The following SCRN2 variants were observed in gnomAD, a reference collection of about 807,000 sequenced individuals.
SCRN2 encodes secernin-2.
Under a neutral mutation model 40.1 loss-of-function variants are expected in SCRN2, and 30 were observed. That is an observed-to-expected ratio of 0.75 (90% CI 0.56 to 1.01). The LOEUF (loss-of-function observed/expected upper bound fraction) is 1.01. Among genes scored for constraint, SCRN2 ranks in the 50% least tolerant of loss-of-function variants. The pLI is 0.00. For synonymous variants in SCRN2, 240 were observed against 233.5 expected (o/e 1.03, Z -0.25); for missense variants, 526 against 564.9 (o/e 0.93, Z 0.70).
Position 47,837,936 on chromosome 17 carries a change from CCT to C in SCRN2, c.1184_1185del (p.Gln395ArgfsTer76), listed in dbSNP as rs779317606. On this transcript the variant is annotated frameshift_variant, in exon 8 of 8. Coordinates refer to ENST00000290216, the MANE Select transcript of SCRN2 (RefSeq NM_138355.4). LOFTEE classifies it high-confidence loss of function. ...GGGGCCCACTCGCCGGCCAGCAGCC[CCT>C]GTGTGGCCTCGAGGCCTTCCTGCTC... ...DLEQEGLEAT[Q>X]GLLAGEWAPP... is the part of the protein sequence containing the mutation. The C allele has an allele frequency of 5.0e-6, 8 of 1,606,080 alleles. No individual in the cohort carries two copies. Among genetic ancestry groups the C allele is most frequent in the African/African-American group, 2.7e-5 (2 of 74,736 alleles).
At chr17:47,839,748 C>T (rs114355862) in intron 3 of SCRN2, 105 bp from the exon 4 acceptor site, 17,873 of 1,181,550 alleles carry the variant, frequency 0.015, 172 homozygotes, top group African/African-American at 0.02. Context: ...TGGTGATAGG[C>T]CCAAGTCACA....
At chr17:47,838,236 C>A in intron 7 of SCRN2, 34 bp downstream of exon 7, 2 of 1,574,236 alleles carry the variant, frequency 1.3e-6, no homozygotes, top group Non-Finnish European at 1.7e-6. Flanking sequence ...GGTCTATCAT[C>A]CCCTCAAGGT....
intron 7 of SCRN2, 131 bp from the exon 8 acceptor site, chr17:47,838,133 G>A: frequency 1.3e-6 from 2 of 1,520,296 alleles, no homozygotes; most frequent in Non-Finnish European, 8.8e-7. Flanking sequence ...GGCAGTTGCT[G>A]GCTTTGAAGG....
chr17:47,837,854 GCCTGGCT>G lies in SCRN2; in HGVS notation c.1261_1267del (p.Ser421LeufsTer27), dbSNP rs749843807. 4.4e-6 allele frequency: 7 copies of G among 1,599,860 alleles called. No homozygotes were observed. The Admixed American group carries it at 5.0e-5, about 11-fold the overall frequency. ...CAGAAGCTATGAAGCTTACGCATAAGCCTGGCTCTCCCTCTTCACGAAGGCCTGGAAG... is the reference window on the plus strand; with the variant it reads ...CAGAAGCTATGAAGCTTACGCATAAGCTCCCTCTTCACGAAGGCCTGGAAG... On this transcript the variant is annotated frameshift_variant, in exon 8 of 8. Transcript: ENST00000290216. LOFTEE classifies it high-confidence loss of function.
chr17:47,839,084 A>G (rs2033766876), intron 4 of SCRN2, 78 bp from the exon 5 acceptor site: 1 of 1,497,486 alleles, frequency 6.7e-7, no homozygotes, highest in African/African-American at 1.4e-5. Context: ...GGTGCTGAGA[A>G]CATGGTGGAG....
At chr17:47,839,754 TCA>T in intron 3 of SCRN2, 111 bp from the exon 4 acceptor site, 1 of 1,097,578 alleles carries the variant, frequency 9.1e-7, no homozygotes, top group South Asian at 1.4e-5. Context: ...TAGGCCCAAG[TCA>T]CACAGCAAAT....
intron 3 of SCRN2, chr17:47,839,890 T>C: frequency 3.3e-6 from 2 of 598,810 alleles, no homozygotes; most frequent in South Asian, 2.0e-5. Context: ...AGAAGTGTCC[T>C]GAGCCCCTAA....
In SCRN2 at chr17:47,838,989, A is replaced by C. The variant is rs1456404635; in HGVS notation, c.574T>G (p.Ser192Ala). 1 of 1,613,918 alleles carries C rather than the reference A, an allele frequency of 6.2e-7. No individual in the cohort carries two copies. Among genetic ancestry groups the C allele is most frequent in the Non-Finnish European group, 8.5e-7 (1 of 1,180,028 alleles). ...QRIQEGARNI[S>A]NQLSIGTDIS... ...TCCGTGCCAATGCTCAGCTGGTTGG[A>C]GATGTTGCGGGCCCCCTCTGTGGAG... is the stretch of plus-strand genomic sequence containing the variant. The change falls in exon 5 of 8, where the codon TCC (serine) becomes GCC (alanine). Residue 192 changes from serine to alanine, a missense_variant. Transcript: ENST00000290216.
chr17:47,839,290 G>A (rs1044522893), intron 4 of SCRN2, among the ~76,000 whole-genome samples, 154 bp downstream of exon 4: 2 of 152,226 alleles, frequency 1.3e-5, no homozygotes, highest in African/African-American at 2.4e-5. Context: ...TGTAGCACAC[G>A]GAAGACTTAA....
intron 3 of SCRN2, chr17:47,839,848 C>T (rs1389243507): frequency 1.6e-6 from 1 of 616,282 alleles, no homozygotes; most frequent in Non-Finnish European, 2.8e-6. Flanking sequence ...TTGAGGGTTC[C>T]ATGAAAAGGC....
At position 47,840,337 on chromosome 17, in the gene SCRN2, C is replaced by G. The variant is rs11652952; in HGVS notation, c.210G>C (p.Thr70=). 6.2e-7 allele frequency: 1 copy of G among 1,614,012 alleles called. No individual in the cohort carries two copies. Among genetic ancestry groups the G allele is most frequent in the African/African-American group, 1.3e-5 (1 of 74,936 alleles). ...TYIEVEQVSK[T]HAVILSRPSW... ...AAGGACGGCTCAGAATCACAGCGTG[C>G]GTCTTCGACACCTGTTCCACTTCAA... The change falls in exon 3 of 8, where the codon ACG becomes ACC. Residue 70 remains threonine (T), a synonymous_variant. Transcript: ENST00000290216.
rs1006836468 is a variant in SCRN2 at position 47,839,360 on chromosome 17, G to A, written c.556+84C>T. The A allele has an allele frequency of 1.3e-5, 18 of 1,422,644 alleles. No homozygotes were observed. In the Admixed American group the frequency reaches 1.8e-4, roughly 14 times the overall value. The allele number at this position is 1,422,644 out of a possible 1,614,324, so 88.1% of individuals were successfully genotyped here. A position where few individuals can be genotyped will look rare whatever the true frequency, so the allele number is the denominator to read the frequency against. On this transcript the variant is annotated intron_variant, in intron 4 of 7. Transcript: ENST00000290216. Reference sequence around the variant, plus strand: ...CATCTCCCATCTCCCTGGATGTCCTGACAGGCTTGCACCTGGATCGGGCCC... The same window carrying A: ...CATCTCCCATCTCCCTGGATGTCCTAACAGGCTTGCACCTGGATCGGGCCC...
chr17:47,837,935 C>A lies in SCRN2; in HGVS notation c.1187G>T (p.Gly396Val), dbSNP rs779807693. Residue 396 changes from glycine (G) to valine (V), a missense_variant, in exon 8 of 8, where the codon GGG becomes GTG. Coordinates refer to ENST00000290216, the MANE Select transcript of SCRN2 (RefSeq NM_138355.4). ...TGGGGCCCACTCGCCGGCCAGCAGC[C>A]CCTGTGTGGCCTCGAGGCCTTCCTG... ...LEQEGLEATQ[G>V]LLAGEWAPPL... 6.2e-7 allele frequency: 1 copy of A among 1,606,162 alleles called. No individual in the cohort carries two copies. The highest frequency in any genetic ancestry group is 8.5e-7 in the Non-Finnish European group (1 of 1,179,316).
At position 47,840,318 on chromosome 17, in the gene SCRN2, G is replaced by A. The variant is rs144648187; in HGVS notation, c.229C>T (p.Arg77Cys). 1.5e-4 allele frequency: 245 copies of A among 1,614,198 alleles called. No individual in the cohort carries two copies. Among genetic ancestry groups the A allele is most frequent in the Non-Finnish European group, 2.0e-4 (239 of 1,180,042 alleles). Residue 77 changes from arginine (R) to cysteine (C), a missense_variant, in exon 3 of 8, where the codon CGT becomes TGT. Coordinates refer to ENST00000290216, the MANE Select transcript of SCRN2 (RefSeq NM_138355.4). ...TCAGCCCCCCATAGCCAAGAAGGACGGCTCAGAATCACAGCGTGCGTCTTC... is the reference window on the plus strand; with the variant it reads ...TCAGCCCCCCATAGCCAAGAAGGACAGCTCAGAATCACAGCGTGCGTCTTC... Reference protein sequence around the residue: ...VSKTHAVILSRPSWLWGAEMG... With the variant: ...VSKTHAVILSCPSWLWGAEMG...
intron 3 of SCRN2, 34 bp downstream of exon 3, chr17:47,840,157 G>A: frequency 1.9e-6 from 3 of 1,590,664 alleles, no homozygotes; most frequent in East Asian, 2.2e-5. Flanking sequence ...GATTTCTGGT[G>A]TGTCAGGCAG....
At chr17:47,838,170 ATC>A in intron 7 of SCRN2, 98 bp downstream of exon 7, 3 of 1,536,632 alleles carry the variant, frequency 2.0e-6, no homozygotes, top group Non-Finnish European at 2.6e-6. Context: ...CAGCTCTGAA[ATC>A]TCTTCCACTC....
intron 1 of SCRN2, 49 bp downstream of exon 1, chr17:47,841,159 C>T: frequency 3.7e-6 from 1 of 267,676 alleles, no homozygotes; most frequent in Non-Finnish European, 7.1e-6. Flanking sequence ...GATACCCGAC[C>T]CTCTTCTGTC....
chr17:47,838,846 C>A lies in SCRN2; in HGVS notation c.717G>T (p.Met239Ile). Reference sequence around the variant, plus strand: ...CCTGGAAGCGGGCCTTGGCAGCCTCCATGCGCACAGGCTGCTGGGTCAGGG... The same window carrying A: ...CCTGGAAGCGGGCCTTGGCAGCCTCAATGCGCACAGGCTGCTGGGTCAGGG... ...IFSLTQQPVR[M>I]EAAKARFQAG... Residue 239 changes from methionine to isoleucine, a missense_variant, in exon 5 of 8, where the codon ATG (methionine) becomes ATT (isoleucine). Met to Ile is a conservative substitution (Grantham distance 10, BLOSUM62 1). Coordinates refer to ENST00000290216, the MANE Select transcript of SCRN2 (RefSeq NM_138355.4). 1 of 1,613,666 alleles carries A rather than the reference C, an allele frequency of 6.2e-7. No individual in the cohort carries two copies. The highest frequency in any genetic ancestry group is 8.5e-7 in the Non-Finnish European group (1 of 1,180,046).
chr17:47,840,517 T>A, intron 2 of SCRN2, 145 bp from the exon 3 acceptor site: 1 of 1,228,656 alleles, frequency 8.1e-7, no homozygotes, highest in South Asian at 1.5e-5. Flanking sequence ...AGACTGAGGC[T>A]ACATAATGAG....
Sources: allele counts gnomAD v4.1 joint callset (sites outside exome capture counted in the v4.1 genomes callset), GRCh38; gene constraint gnomAD v4.1.1; transcripts MANE v1.5; gene names NCBI Gene and HGNC (gene_info 2026-07-23, HGNC 2026-07-21).